DNAAF9: variants seen among roughly 807,000 people sequenced by gnomAD.
DNAAF9 encodes shulin.
DNAAF9 carries 90 observed loss-of-function variants against 167.0 expected under a neutral mutation model. The observed-to-expected ratio is 0.54, with a 90% CI of 0.45 to 0.64. The LOEUF is 0.64. Among genes scored for constraint, DNAAF9 ranks in the 30% least tolerant of loss-of-function variants. The probability of loss-of-function intolerance (pLI) is 0.00; values close to 1 mark genes in which losing one functional copy is unlikely to be tolerated. For synonymous variants in DNAAF9, 491 were observed against 508.8 expected (o/e 0.96, Z 0.47); for missense variants, 1,315 against 1,442.2 (o/e 0.91, Z 1.43).
intron 12 of DNAAF9, among the ~76,000 whole-genome samples, chr20:3,328,640 G>T (rs188841176): frequency 1.8e-4 from 27 of 152,226 alleles, no homozygotes; most frequent in Admixed American, 1.3e-3. Context: ...CTAGCATAAG[G>T]ATCCAGGACA....
At chr20:3,259,200 G>A (rs1437930651) in intron 33 of DNAAF9, among the ~76,000 whole-genome samples, 1 of 152,226 alleles carries the variant, frequency 6.6e-6, no homozygotes, top group African/African-American at 2.4e-5. Context: ...GTAAGGCTCT[G>A]AACAAGAAGG....
intron 16 of DNAAF9, among the ~76,000 whole-genome samples, chr20:3,319,399 A>G (rs1252275760): frequency 6.6e-6 from 1 of 152,180 alleles, no homozygotes; most frequent in Non-Finnish European, 1.5e-5. Context: ...CTGGTAAGAA[A>G]GCCCTAATTT....
At chr20:3,395,030 C>T (rs1281783945) in intron 1 of DNAAF9, among the ~76,000 whole-genome samples, 4 of 134,424 alleles carry the variant, frequency 3.0e-5, no homozygotes, top group East Asian at 2.3e-4. Context: ...TGCAGTGGCG[C>T]GATCTCGACT....
At chr20:3,363,574 C>T (rs183585823) in intron 6 of DNAAF9, among the ~76,000 whole-genome samples, 5 of 149,790 alleles carry the variant, frequency 3.3e-5, no homozygotes, top group Admixed American at 2.0e-4. Context: ...TTATTCTGGC[C>T]GGGCATGGTG....
chr20:3,364,093 C>T (rs962723378), intron 6 of DNAAF9, among the ~76,000 whole-genome samples: 2 of 152,124 alleles, frequency 1.3e-5, no homozygotes, highest in African/African-American at 4.8e-5. Context: ...CATGGCACTG[C>T]GCCCAGCTTT....
chr20:3,340,450 C>CCCCCCCCCA, intron 10 of DNAAF9, 54 bp downstream of exon 10: 3 of 664,238 alleles, frequency 4.5e-6, no homozygotes, highest in South Asian at 4.1e-5. Context: ...ACCCACCCCA[C>CCCCCCCCCA]CCCCACAACT....
rs1264526933 is a variant in DNAAF9, at chr20:3,407,546, G to A, written c.12C>T (p.Tyr4=). Residue 4 remains tyrosine, a synonymous_variant, in exon 1 of 37, where the codon TAC becomes TAT. Transcript: ENST00000252032. MDV[Y]PPRRQGLPRA... ...GGGGCAGCCCCTGCCGGCGCGGGGG[G>A]TACACGTCCATGGCGGCGGACGACT... The A allele has an allele frequency of 8.0e-6, 10 of 1,250,640 alleles. No homozygotes were observed. The highest frequency in any genetic ancestry group is 6.1e-4 in the Middle Eastern group (2 of 3,304). The allele number at this position is 1,250,640 out of a possible 1,614,324, so 77.5% of individuals were successfully genotyped here. A position where few individuals can be genotyped will look rare whatever the true frequency, so the allele number is the denominator to read the frequency against.
chr20:3,267,735 T>A (rs1364061642), intron 30 of DNAAF9, among the ~76,000 whole-genome samples: 1 of 152,126 alleles, frequency 6.6e-6, no homozygotes, highest in East Asian at 1.9e-4. Flanking sequence ...CTAGGGAGGC[T>A]GGGGCAAGAG....
chr20:3,328,630 C>G (rs1394538218), intron 12 of DNAAF9, among the ~76,000 whole-genome samples: 1 of 152,122 alleles, frequency 6.6e-6, no homozygotes, highest in African/African-American at 2.4e-5. Context: ...GTTTAAGGGT[C>G]TAGCATAAGG....
rs1052968562 is a variant in DNAAF9, at chr20:3,250,983, A to G, written c.*1589T>C. 6.6e-6 allele frequency: 1 copy of G among 152,200 alleles called. No homozygotes were observed. 9.4% of individuals were successfully genotyped at this position (152,200 alleles called of 1,614,324 possible). A position where few individuals can be genotyped will look rare whatever the true frequency, so the allele number is the denominator to read the frequency against. Reference sequence around the variant, plus strand: ...CGGACCGCAGCCTCTGGCCAGCCAGAAGTCAGGGGGCTCCCAGACTTAGGT... The same window carrying G: ...CGGACCGCAGCCTCTGGCCAGCCAGGAGTCAGGGGGCTCCCAGACTTAGGT... On this transcript the variant is annotated 3_prime_UTR_variant, in exon 37 of 37. Transcript: ENST00000252032.
intron 30 of DNAAF9, among the ~76,000 whole-genome samples, chr20:3,266,980 G>GT (rs776096076): frequency 8.4e-4 from 127 of 151,850 alleles, no homozygotes; most frequent in Non-Finnish European, 1.5e-3. Context: ...AGCCTCCTGA[G>GT]TAACTGGAAT....
chr20:3,404,154 C>T (rs1011933566), intron 1 of DNAAF9, among the ~76,000 whole-genome samples: 56 of 152,266 alleles, frequency 3.7e-4, no homozygotes, highest in African/African-American at 1.3e-3. Context: ...CTCAGGCTCC[C>T]GAGTAGCTGG....
At chr20:3,256,352 G>C (rs2068280595) in intron 33 of DNAAF9, 141 bp from the exon 34 acceptor site, 1 of 669,932 alleles carries the variant, frequency 1.5e-6, no homozygotes, top group Non-Finnish European at 2.6e-6. Context: ...TGGCAGCTTA[G>C]AAAGGATGGA....
At chr20:3,329,685 T>C (rs2069784754) in intron 12 of DNAAF9, among the ~76,000 whole-genome samples, 1 of 152,242 alleles carries the variant, frequency 6.6e-6, no homozygotes, top group South Asian at 2.1e-4. Flanking sequence ...TAATCCTTTG[T>C]AGCCTCTCAC....
chr20:3,340,489 A>T lies in DNAAF9; in HGVS notation c.981+15T>A, dbSNP rs774288635. On this transcript the variant is annotated intron_variant, in intron 10 of 36. Transcript: ENST00000252032. ...TAATAAAACTAATCAAGCACCAGGC[A>T]GTCCAGCCACTTACCATGTGCTTGG... 1.4e-6 allele frequency: 2 copies of T among 1,463,126 alleles called. No individual in the cohort carries two copies. Among genetic ancestry groups the T allele is most frequent in the Non-Finnish European group, 1.8e-6 (2 of 1,089,286 alleles). The allele number at this position is 1,463,126 out of a possible 1,614,324, so 90.6% of individuals were successfully genotyped here.
chr20:3,339,748 C>A (rs539501838), intron 10 of DNAAF9, among the ~76,000 whole-genome samples: 1 of 152,246 alleles, frequency 6.6e-6, no homozygotes, highest in East Asian at 1.9e-4. Flanking sequence ...AGACAGGAAG[C>A]CTACAGTGGC....
Position 3,407,520 on chromosome 20 carries a change from CG to C in DNAAF9, c.37del (p.Arg13AlafsTer27). ...GCTGGAGCCGCCAGGGGACCGAGCG[CG>C]GGGCAGCCCCTGCCGGCGCGGGGGG... ...VYPPRRQGLP[R>X]ARSPGGSSRG... On this transcript the variant is annotated frameshift_variant, in exon 1 of 37. Transcript: ENST00000252032. LOFTEE classifies it high-confidence loss of function. 1 of 1,264,394 alleles carries C rather than the reference CG, an allele frequency of 7.9e-7. No homozygotes were observed. The highest frequency in any genetic ancestry group is 9.9e-7 in the Non-Finnish European group (1 of 1,008,862). The allele number at this position is 1,264,394 out of a possible 1,614,324, so 78.3% of individuals were successfully genotyped here. A position where few individuals can be genotyped will look rare whatever the true frequency, so the allele number is the denominator to read the frequency against.
chr20:3,376,766 T>A (rs1353895939), intron 3 of DNAAF9, among the ~76,000 whole-genome samples: 1 of 152,184 alleles, frequency 6.6e-6, no homozygotes, highest in African/African-American at 2.4e-5. Context: ...TTTTATTACC[T>A]AAAGATCTGG....
rs571161804 is a variant in DNAAF9, at chr20:3,389,635, T to A, written c.84-7129A>T. On this transcript the variant is annotated intron_variant, in intron 1 of 36. Coordinates refer to ENST00000252032, the MANE Select transcript of DNAAF9 (RefSeq NM_001009984.3). ...AAAAAGAGAAATAGTTTTTAAAAAG[T>A]CAGCATTATATAAAACAAAAACAAC... Among the ~76,000 whole-genome samples, 9 of 150,796 alleles carry A rather than the reference T, an allele frequency of 6.0e-5. 1 individual carries two copies. In the South Asian group the frequency reaches 1.9e-3, roughly 31 times the overall value.
Sources: allele counts gnomAD v4.1 joint callset (sites outside exome capture counted in the v4.1 genomes callset), GRCh38; gene constraint gnomAD v4.1.1; transcripts MANE v1.5; gene names NCBI Gene and HGNC (gene_info 2026-07-23, HGNC 2026-07-21).